AFAP1: variants seen among roughly 807,000 people sequenced by gnomAD.
AFAP1 encodes the protein actin filament associated protein 1, also known as actin filament-associated protein 1.
In AFAP1, 75 loss-of-function variants were observed where a neutral mutation model predicts 93.9. That is an observed-to-expected ratio of 0.80 (90% CI 0.66 to 0.97). AFAP1 has a LOEUF of 0.97. Among genes scored for constraint, AFAP1 ranks in the 50% least tolerant of loss-of-function variants. AFAP1 has a pLI of 0.00. For missense variants in AFAP1, 1,201 were observed against 1,050.8 expected, an observed-to-expected ratio of 1.14 and a Z score of -1.98; for synonymous variants, 517 against 430.7, an observed-to-expected ratio of 1.20 and a Z score of -2.48.
At chr4:7,901,967 C>A (rs1719139589) in intron 1 of AFAP1, among the ~76,000 whole-genome samples, 1 of 152,202 alleles carries the variant, frequency 6.6e-6, no homozygotes, top group African/African-American at 2.4e-5. Flanking sequence ...ACAACACACA[C>A]AACTACCATT....
At chr4:7,888,230 C>A (rs28464089) in intron 1 of AFAP1, among the ~76,000 whole-genome samples, 65,253 of 152,160 alleles carry the variant, frequency 0.43, 16,624 homozygotes, top group Non-Finnish European at 0.6. Context: ...GTTATTTAAT[C>A]TACAGAAAGG....
At chr4:7,859,305 G>A (rs1301625958) in intron 3 of AFAP1, among the ~76,000 whole-genome samples, 1 of 152,108 alleles carries the variant, frequency 6.6e-6, no homozygotes, top group African/African-American at 2.4e-5. Context: ...TGTAATCCCA[G>A]CTACTCAGGA....
chr4:7,908,963 A>C (rs1178578678), intron 1 of AFAP1, among the ~76,000 whole-genome samples: 1 of 131,624 alleles, frequency 7.6e-6, no homozygotes, highest in Non-Finnish European at 1.6e-5. Context: ...CAACGGTCCA[A>C]TTATAAAATC....
intron 7 of AFAP1, 133 bp downstream of exon 7, chr4:7,818,943 T>C (rs1355789825): frequency 1.3e-6 from 1 of 773,096 alleles, no homozygotes; most frequent in Non-Finnish European, 2.0e-6. Context: ...GTTAAAAAGA[T>C]GGGAAGCACG....
chr4:7,810,410 A>T (rs1004337382), intron 8 of AFAP1, among the ~76,000 whole-genome samples: 1 of 152,224 alleles, frequency 6.6e-6, no homozygotes, highest in African/African-American at 2.4e-5. Flanking sequence ...AACATCACTG[A>T]CGCAAAAGCT....
chr4:7,935,648 G>A (rs1213015032), intron 1 of AFAP1, among the ~76,000 whole-genome samples: 1 of 152,118 alleles, frequency 6.6e-6, no homozygotes, highest in Non-Finnish European at 1.5e-5. Context: ...GCTGACAAAA[G>A]AGAAGTCGCA....
chr4:7,826,501 GAA>G (rs1721433414), intron 6 of AFAP1, among the ~76,000 whole-genome samples: 1 of 152,238 alleles, frequency 6.6e-6, no homozygotes. Context: ...AGACTGCAGA[GAA>G]AAGAGACCAC....
chr4:7,784,586 G>C (rs1040140520), intron 12 of AFAP1, among the ~76,000 whole-genome samples: 1 of 152,166 alleles, frequency 6.6e-6, no homozygotes, highest in Non-Finnish European at 1.5e-5. Flanking sequence ...TTAGAATCAG[G>C]TGGGGGCCTC....
rs1469514602 is a variant in AFAP1, at chr4:7,762,132, CTTCAGT to C, written c.*1627_*1632del. ...CTTATACATGGGAGACCGCTTTCCG[CTTCAGT>C]AATCCAACGTGGCCCTTGCAGGCCT... On this transcript the variant is annotated 3_prime_UTR_variant, in exon 18 of 18. Transcript: ENST00000420658. The C allele has an allele frequency of 2.6e-5, 4 of 152,248 alleles. No individual in the cohort carries two copies. Among genetic ancestry groups the C allele is most frequent in the African/African-American group, 9.6e-5 (4 of 41,460 alleles). The allele number at this position is 152,248 out of a possible 1,614,324, so 9.4% of individuals were successfully genotyped here. A position where few individuals can be genotyped will look rare whatever the true frequency, so the allele number is the denominator to read the frequency against.
chr4:7,860,139 C>T (rs1487135183), intron 3 of AFAP1, among the ~76,000 whole-genome samples: 1 of 150,752 alleles, frequency 6.6e-6, no homozygotes, highest in East Asian at 1.9e-4. Flanking sequence ...GAGATGCTAT[C>T]TCAAATAAAT....
rs567845770 is a variant in AFAP1 at position 7,833,286 on chromosome 4, A to G, written c.726+5238T>C. On this transcript the variant is annotated intron_variant, in intron 6 of 17. Coordinates refer to ENST00000420658, the MANE Select transcript of AFAP1 (RefSeq NM_001134647.2). Reference sequence around the variant, plus strand: ...GACTAATATCCAGAATCTACAACGAACTCAAACAAATTAGCAACAAGAAAC... The same window carrying G: ...GACTAATATCCAGAATCTACAACGAGCTCAAACAAATTAGCAACAAGAAAC... Among the ~76,000 whole-genome samples the G allele has an allele frequency of 1.3e-5, 2 of 152,322 alleles. 1 individual carries two copies. Among genetic ancestry groups the G allele is most frequent in the African/African-American group, 4.8e-5 (2 of 41,572 alleles).
chr4:7,874,010 T>C (rs1481246541), intron 1 of AFAP1, among the ~76,000 whole-genome samples: 3 of 152,244 alleles, frequency 2.0e-5, no homozygotes. Context: ...TGCCTCCTAA[T>C]ACTGGAGGCT....
chr4:7,796,958 G>T (rs966494124), intron 10 of AFAP1, among the ~76,000 whole-genome samples: 2 of 151,900 alleles, frequency 1.3e-5, no homozygotes, highest in African/African-American at 4.8e-5. Context: ...TGCTCGGGAG[G>T]CTGAGGCAGG....
intron 13 of AFAP1, 66 bp from the exon 14 acceptor site, chr4:7,778,942 T>TCC: frequency 8.0e-7 from 1 of 1,248,436 alleles, no homozygotes. Flanking sequence ...TGGTCTTTTT[T>TCC]TTTTCTGGAG....
chr4:7,875,200 A>G (rs566213304), intron 1 of AFAP1, among the ~76,000 whole-genome samples: 87 of 152,334 alleles, frequency 5.7e-4, no homozygotes, highest in Non-Finnish European at 9.6e-4. Flanking sequence ...TTCCAAATCT[A>G]CTATTCTGTA....
In AFAP1 at chr4:7,768,990, GGT is replaced by G. The variant is rs761851060; in HGVS notation, c.2270_2271del (p.His757ProfsTer12). On this transcript the variant is annotated frameshift_variant, in exon 17 of 18. Coordinates refer to ENST00000420658, the MANE Select transcript of AFAP1 (RefSeq NM_001134647.2). LOFTEE classifies it high-confidence loss of function. ...TSSPQSPVFR[H>X]RTLENSPISS... ...GAGATGGGCGAGTTTTCCAGGGTCC[GGT>G]GCCGGAACACTGGAGACTTAACGGA... is the stretch of plus-strand genomic sequence containing the variant. 6.2e-7 allele frequency: 1 copy of G among 1,612,604 alleles called. No homozygotes were observed. Among genetic ancestry groups the G allele is most frequent in the Non-Finnish European group, 8.5e-7 (1 of 1,178,996 alleles).
In AFAP1 at chr4:7,939,511, G is replaced by A. The variant is rs893932134; in HGVS notation, c.-3+145C>T. On this transcript the variant is annotated intron_variant, in intron 1 of 17. Transcript: ENST00000420658. The surrounding 1 kb of genome is among the most constrained non-coding windows in gnomAD (Gnocchi z 5.6). ...GGGCCCACGCGGCGTCGCAGCAGGC[G>A]CGGAGCCCCCGGTACCACCCGAGGC... is the stretch of plus-strand genomic sequence containing the variant. The A allele has an allele frequency of 3.0e-6, 1 of 335,942 alleles. No homozygotes were observed. Among genetic ancestry groups the A allele is most frequent in the Admixed American group, 4.2e-5 (1 of 23,922 alleles). 20.8% of individuals were successfully genotyped at this position (335,942 alleles called of 1,614,324 possible).
chr4:7,910,394 T>C (rs1577352590), intron 1 of AFAP1, among the ~76,000 whole-genome samples: 1 of 151,816 alleles, frequency 6.6e-6, no homozygotes, highest in African/African-American at 2.4e-5. Flanking sequence ...AAACAAGAGA[T>C]GTTAGGCAAC....
At position 7,780,986 on chromosome 4, in the gene AFAP1, C is replaced by A. The variant is rs546220556; in HGVS notation, c.1782+390G>T. Among the ~76,000 whole-genome samples, 7 of 152,296 alleles carry A rather than the reference C, an allele frequency of 4.6e-5. No individual in the cohort carries two copies. The East Asian group carries it at 1.3e-3, about 29-fold the overall frequency. ...TTAAAGATCAAAAGCAATGACTACA[C>A]GGAGTCAACCCTTCCTCATTAAGTG... is the stretch of plus-strand genomic sequence containing the variant. On this transcript the variant is annotated intron_variant, in intron 13 of 17. Coordinates refer to ENST00000420658, the MANE Select transcript of AFAP1 (RefSeq NM_001134647.2).
Sources: gnomAD v4.1 joint callset for allele counts (sites outside exome capture counted in the v4.1 genomes callset) on GRCh38, gnomAD v4.1.1 for gene constraint, Gnocchi (gnomAD v3.1) non-coding constraint, MANE v1.5 for transcripts, NCBI Gene and HGNC (gene_info 2026-07-23, HGNC 2026-07-21) for gene names.